The following POTEC variants were observed in gnomAD, a reference collection of about 807,000 sequenced individuals.
POTEC encodes POTE ankyrin domain family member C.
POTEC carries 35 observed loss-of-function variants against 62.0 expected under a neutral mutation model. The observed-to-expected ratio is 0.56, with a 90% CI of 0.43 to 0.75. The LOEUF (loss-of-function observed/expected upper bound fraction) is 0.75. POTEC is among the 30% of genes least tolerant of loss of function. POTEC has a pLI of 0.00. For synonymous variants in POTEC, 156 were observed against 221.5 expected (o/e 0.70, Z 2.62); for missense variants, 472 against 655.9 (o/e 0.72, Z 3.06).
At chr18:14,524,876 C>T in intron 7 of POTEC, 37 bp downstream of exon 7, 2 of 1,597,510 alleles carry the variant, frequency 1.3e-6, no homozygotes, top group Non-Finnish European at 1.7e-6. Flanking sequence ...AAGAAAACAA[C>T]ATTAAATCAA....
chr18:14,542,032 A>G (rs891745038), intron 1 of POTEC, among the ~76,000 whole-genome samples: 3 of 152,114 alleles, frequency 2.0e-5, no homozygotes, highest in Admixed American at 1.3e-4. Context: ...AAAATACATC[A>G]TGTGCAATTT....
rs1434192838 is a variant in POTEC, at chr18:14,540,570, A to G, written c.521+2056T>C. Among the ~76,000 whole-genome samples the G allele has an allele frequency of 2.6e-5, 4 of 152,154 alleles. No homozygotes were observed. The East Asian group carries it at 7.7e-4, about 29-fold the overall frequency. On this transcript the variant is annotated intron_variant, in intron 1 of 10. Coordinates refer to ENST00000358970, the MANE Select transcript of POTEC (RefSeq NM_001137671.2). ...ATCTCTGTATCTACTGACACCCTCA[A>G]TGGTTACATATTATTCCATCCTATG...
Position 14,508,527 on chromosome 18 carries a change from T to A in POTEC, c.*3371A>T, listed in dbSNP as rs998460931. The A allele has an allele frequency of 1.3e-5, 2 of 152,690 alleles. No individual in the cohort carries two copies. Among genetic ancestry groups the A allele is most frequent in the Non-Finnish European group, 2.9e-5 (2 of 68,052 alleles). 9.5% of individuals were successfully genotyped at this position (152,690 alleles called of 1,614,324 possible). A position where few individuals can be genotyped will look rare whatever the true frequency, so the allele number is the denominator to read the frequency against. ...CAATCACACACAATCACCATGTGACTACATTATGAAAATTCTTCTAGTGTG... is the reference window on the plus strand; with the variant it reads ...CAATCACACACAATCACCATGTGACAACATTATGAAAATTCTTCTAGTGTG... On this transcript the variant is annotated 3_prime_UTR_variant, in exon 11 of 11. Transcript: ENST00000358970.
chr18:14,524,831 T>C, intron 7 of POTEC, 82 bp downstream of exon 7: 6 of 1,457,070 alleles, frequency 4.1e-6, no homozygotes, highest in Non-Finnish European at 5.5e-6. Flanking sequence ...GTCTGAAAGG[T>C]AATTTCATTT....
At chr18:14,518,340 T>G (rs1321705852) in intron 9 of POTEC, among the ~76,000 whole-genome samples, 1 of 150,940 alleles carries the variant, frequency 6.6e-6, no homozygotes, top group Non-Finnish European at 1.5e-5. Context: ...TTTATGTGTT[T>G]GATGGGGAGG....
rs1215572409 is a variant in POTEC, at chr18:14,543,304, CCCCACCCAGGGAAAACCCACA to C, written c.-179_-159del. 10 of 1,321,394 alleles carry C rather than the reference CCCCACCCAGGGAAAACCCACA, an allele frequency of 7.6e-6. No homozygotes were observed. The highest frequency in any genetic ancestry group is 1.0e-5 in the Non-Finnish European group (10 of 973,224). The allele number at this position is 1,321,394 out of a possible 1,614,324, so 81.9% of individuals were successfully genotyped here. ...AACCCCAGCAAGGGAGCCCAGTCCA[CCCCACCCAGGGAAAACCCACA>C]CCCACCCGGGGAAAGCCCACGCCCA... is the stretch of plus-strand genomic sequence containing the variant. On this transcript the variant is annotated 5_prime_UTR_variant, in exon 1 of 11. Transcript: ENST00000358970.
chr18:14,537,356 C>T (rs1352146736), intron 3 of POTEC, among the ~76,000 whole-genome samples: 1 of 151,720 alleles, frequency 6.6e-6, no homozygotes, highest in Non-Finnish European at 1.5e-5. Flanking sequence ...TAAGCCTTGC[C>T]ACTGAGAGAT....
intron 9 of POTEC, among the ~76,000 whole-genome samples, 177 bp from the exon 10 acceptor site, chr18:14,513,962 C>T (rs534783105): frequency 2.0e-5 from 3 of 152,216 alleles, no homozygotes; most frequent in African/African-American, 7.2e-5. Context: ...GCACCAGGGA[C>T]TAGTTTTGTG....
In POTEC at chr18:14,508,784, G is replaced by A. The variant is rs1311148031; in HGVS notation, c.*3114C>T. On this transcript the variant is annotated 3_prime_UTR_variant, in exon 11 of 11. Transcript: ENST00000358970. ...TGCTGGAGAGTTGATGCAGTCATTTGGAGAAAAGAAGGTATGCTGAATTTT... is the reference window on the plus strand; with the variant it reads ...TGCTGGAGAGTTGATGCAGTCATTTAGAGAAAAGAAGGTATGCTGAATTTT... 1 of 152,560 alleles carries A rather than the reference G, an allele frequency of 6.6e-6. No homozygotes were observed. The highest frequency in any genetic ancestry group is 2.4e-5 in the African/African-American group (1 of 41,414). 9.5% of individuals were successfully genotyped at this position (152,560 alleles called of 1,614,324 possible). A position where few individuals can be genotyped will look rare whatever the true frequency, so the allele number is the denominator to read the frequency against.
At chr18:14,533,875 CTT>C (rs564503459) in intron 4 of POTEC, among the ~76,000 whole-genome samples, 10 of 141,298 alleles carry the variant, frequency 7.1e-5, no homozygotes, top group South Asian at 2.3e-4. Context: ...TTTTCTCTCT[CTT>C]TTTTTTTTTT....
chr18:14,538,487 T>C (rs545797024), intron 1 of POTEC, among the ~76,000 whole-genome samples: 249 of 152,288 alleles, frequency 1.6e-3, no homozygotes, highest in South Asian at 3.7e-3. Flanking sequence ...GCTGGAATCC[T>C]ACTTGAAGCT....
chr18:14,541,010 C>T (rs1488404036), intron 1 of POTEC, among the ~76,000 whole-genome samples: 2 of 152,140 alleles, frequency 1.3e-5, no homozygotes, highest in East Asian at 1.9e-4. Context: ...CCTGCCTCAG[C>T]CTCCTGAGTA....
In POTEC at chr18:14,529,244, G is replaced by A. The variant is rs187071940; in HGVS notation, c.1126+1239C>T. 9.7e-4 allele frequency among the ~76,000 whole-genome samples: 148 copies of A among 151,986 alleles called. 1 individual carries two copies. Among genetic ancestry groups the A allele is most frequent in the Admixed American group, 2.8e-3 (42 of 15,264 alleles). On this transcript the variant is annotated intron_variant, in intron 6 of 10. Coordinates refer to ENST00000358970, the MANE Select transcript of POTEC (RefSeq NM_001137671.2). ...ATAAAAATGACAATGATAATAACAAGCTCCTGTCTGTATTTTTAATTGTGT... is the reference window on the plus strand; with the variant it reads ...ATAAAAATGACAATGATAATAACAAACTCCTGTCTGTATTTTTAATTGTGT...
chr18:14,539,687 C>G (rs1453275524), intron 1 of POTEC, among the ~76,000 whole-genome samples: 4 of 151,282 alleles, frequency 2.6e-5, no homozygotes, highest in Admixed American at 1.3e-4. Context: ...CTAAAACAGT[C>G]TTTACCCAAG....
intron 9 of POTEC, among the ~76,000 whole-genome samples, chr18:14,516,655 C>A (rs74323705): frequency 2.1e-5 from 1 of 48,110 alleles, no homozygotes; most frequent in East Asian, 3.1e-4. Context: ...AACACAAAGC[C>A]AAACTACTGG....
At chr18:14,538,272 G>A (rs1598482214) in intron 1 of POTEC, 23 bp from the exon 2 acceptor site, 2 of 1,607,968 alleles carry the variant, frequency 1.2e-6, no homozygotes, top group East Asian at 4.5e-5. Flanking sequence ...GAAGACTTCA[G>A]GAAATTGTAG....
At chr18:14,516,313 T>TATATATATATATATAC (rs1910153686) in intron 9 of POTEC, among the ~76,000 whole-genome samples, 4 of 63,504 alleles carry the variant, frequency 6.3e-5, no homozygotes, top group Non-Finnish European at 1.2e-4. Context: ...TATATATATA[T>TATATATATATATATAC]ATATATATAT....
chr18:14,536,331 A>G (rs1339561066), intron 3 of POTEC, among the ~76,000 whole-genome samples: 5 of 150,118 alleles, frequency 3.3e-5, no homozygotes, highest in Non-Finnish European at 5.9e-5. Context: ...TTTCTGAGAT[A>G]TAAGAATTTA....
intron 6 of POTEC, among the ~76,000 whole-genome samples, chr18:14,527,510 T>C (rs1381419418): frequency 1.3e-5 from 2 of 151,908 alleles, no homozygotes; most frequent in African/African-American, 4.8e-5. Flanking sequence ...ATGGAGAAAA[T>C]TTCCTACTCC....
Sources: gnomAD v4.1 joint callset for allele counts (sites outside exome capture counted in the v4.1 genomes callset) on GRCh38, gnomAD v4.1.1 for gene constraint, MANE v1.5 for transcripts, NCBI Gene and HGNC (gene_info 2026-07-23, HGNC 2026-07-21) for gene names.